CSMD1: variants seen among roughly 807,000 people sequenced by gnomAD.
CSMD1 encodes CUB and sushi domain-containing protein 1.
CSMD1 carries 213 observed loss-of-function variants against 417.5 expected under a neutral mutation model. The observed-to-expected ratio is 0.51, with a 90% confidence interval of 0.46 to 0.57. The LOEUF (loss-of-function observed/expected upper bound fraction) is 0.57, where lower values mean the gene tolerates loss of function less well. Ranked by LOEUF, CSMD1 falls within the 20% of genes least tolerant of loss-of-function variation. The pLI, the probability that CSMD1 is intolerant of heterozygous loss-of-function variation, is 0.00. For synonymous variants in CSMD1, 2,862 were observed against 1,736.8 expected (o/e 1.65, Z -16.11); for missense variants, 6,923 against 4,529.7 (o/e 1.53, Z -15.17).
chr8:4,864,137 T>G (rs901941617), intron 1 of CSMD1, among the ~76,000 whole-genome samples: 5 of 151,974 alleles, frequency 3.3e-5, no homozygotes, highest in African/African-American at 1.2e-4. Flanking sequence ...GTATTTTTTA[T>G]TAAATTGATC....
chr8:3,984,346 C>T (rs1026475313), intron 5 of CSMD1, among the ~76,000 whole-genome samples: 3 of 152,150 alleles, frequency 2.0e-5, no homozygotes, highest in Admixed American at 1.3e-4. Flanking sequence ...AAAGAAAATG[C>T]TGACGACAGA....
chr8:4,381,400 C>A (rs946036591), intron 3 of CSMD1, among the ~76,000 whole-genome samples: 24 of 152,078 alleles, frequency 1.6e-4, no homozygotes, highest in Admixed American at 1.6e-3. Context: ...GGGTGGAAAA[C>A]CCATGAATAT....
chr8:3,072,102 G>T (rs11986125), intron 49 of CSMD1, among the ~76,000 whole-genome samples: 5 of 152,152 alleles, frequency 3.3e-5, no homozygotes, highest in African/African-American at 1.2e-4. Context: ...CCTCAGAAAG[G>T]TTCAAGAGTA....
intron 1 of CSMD1, among the ~76,000 whole-genome samples, chr8:4,876,496 C>T (rs769067682): frequency 2.0e-5 from 3 of 152,148 alleles, no homozygotes; most frequent in African/African-American, 4.8e-5. Flanking sequence ...AATTAGATTG[C>T]TTTTAACAAG....
chr8:3,818,950 G>T (rs1801556353), intron 5 of CSMD1, among the ~76,000 whole-genome samples: 1 of 152,110 alleles, frequency 6.6e-6, no homozygotes, highest in Non-Finnish European at 1.5e-5. Context: ...TTCTTCTAAG[G>T]GGTTTGGTAG....
At chr8:3,943,177 A>T (rs145614448) in intron 5 of CSMD1, among the ~76,000 whole-genome samples, 88 of 152,246 alleles carry the variant, frequency 5.8e-4, no homozygotes, top group Non-Finnish European at 9.3e-4. Flanking sequence ...AAATGACTCA[A>T]TTGAGGATGT....
chr8:3,377,844 T>C (rs1471819864), intron 18 of CSMD1, among the ~76,000 whole-genome samples: 2 of 152,218 alleles, frequency 1.3e-5, no homozygotes, highest in Non-Finnish European at 2.9e-5. Flanking sequence ...GTATTGAGTA[T>C]GTAAAATGTA....
intron 1 of CSMD1, among the ~76,000 whole-genome samples, chr8:4,962,580 A>T (rs1487710465): frequency 6.6e-6 from 1 of 152,256 alleles, no homozygotes; most frequent in Non-Finnish European, 1.5e-5. Flanking sequence ...ATTTTGGCAT[A>T]ATCAGATGGG....
intron 1 of CSMD1, among the ~76,000 whole-genome samples, chr8:4,739,052 T>C (rs1457187): frequency 0.058 from 8,836 of 152,260 alleles, 331 homozygotes; most frequent in East Asian, 0.21. Flanking sequence ...GTAACTGATA[T>C]ATTCTTTTTA....
chr8:4,899,482 G>T (rs780374343), intron 1 of CSMD1, among the ~76,000 whole-genome samples: 3 of 152,126 alleles, frequency 2.0e-5, no homozygotes, highest in Non-Finnish European at 4.4e-5. Context: ...TTAAAGAGAA[G>T]AAATCCCAAT....
At chr8:4,354,565 G>A (rs1364144667) in intron 3 of CSMD1, among the ~76,000 whole-genome samples, 1 of 152,098 alleles carries the variant, frequency 6.6e-6, no homozygotes, top group Non-Finnish European at 1.5e-5. Context: ...ACTAAACATA[G>A]ATGGCAGACT....
At chr8:3,294,290 AGTCT>A (rs1243985055) in intron 25 of CSMD1, among the ~76,000 whole-genome samples, 4 of 152,178 alleles carry the variant, frequency 2.6e-5, no homozygotes, top group African/African-American at 7.2e-5. Flanking sequence ...TTGAGGAGGC[AGTCT>A]GTCTGTTCTG....
chr8:4,306,273 C>A (rs1338865770), intron 3 of CSMD1, among the ~76,000 whole-genome samples: 2 of 152,174 alleles, frequency 1.3e-5, no homozygotes, highest in Non-Finnish European at 2.9e-5. Context: ...TGTAGAATGG[C>A]CCTTCCTGAA....
At chr8:4,730,382 T>A (rs1295733623) in intron 1 of CSMD1, among the ~76,000 whole-genome samples, 3 of 152,130 alleles carry the variant, frequency 2.0e-5, no homozygotes, top group Non-Finnish European at 4.4e-5. Context: ...AAACTAAATT[T>A]GTAAATATGG....
intron 5 of CSMD1, among the ~76,000 whole-genome samples, chr8:3,950,663 T>A (rs1285943679): frequency 6.6e-6 from 1 of 152,246 alleles, no homozygotes; most frequent in African/African-American, 2.4e-5. Flanking sequence ...AAAAAGTTAA[T>A]GTTTCTCCTG....
At chr8:4,841,370 C>T (rs1490561938) in intron 1 of CSMD1, among the ~76,000 whole-genome samples, 3 of 152,182 alleles carry the variant, frequency 2.0e-5, no homozygotes, top group African/African-American at 7.2e-5. Flanking sequence ...AACCACTGAG[C>T]TTCTTGAAGG....
intron 54 of CSMD1, among the ~76,000 whole-genome samples, chr8:2,997,122 G>T (rs1173279038): frequency 6.6e-6 from 1 of 152,198 alleles, no homozygotes; most frequent in Non-Finnish European, 1.5e-5. Context: ...AGTGAACTGG[G>T]TTTCATCAGT....
At chr8:3,243,132 A>G (rs1164473708) in intron 26 of CSMD1, among the ~76,000 whole-genome samples, 1 of 152,138 alleles carries the variant, frequency 6.6e-6, no homozygotes, top group Non-Finnish European at 1.5e-5. Context: ...TGGTTGAGGG[A>G]TAGTGAGGGA....
At chr8:4,059,866 A>G (rs1038488976) in intron 3 of CSMD1, among the ~76,000 whole-genome samples, 9 of 150,204 alleles carry the variant, frequency 6.0e-5, no homozygotes, top group East Asian at 5.9e-4. Context: ...CCAGAGGTAC[A>G]AGGAGGAACT....
Sources: allele counts gnomAD v4.1 joint callset (sites outside exome capture counted in the v4.1 genomes callset), GRCh38; gene constraint gnomAD v4.1.1; transcripts MANE v1.5; gene names NCBI Gene and HGNC (gene_info 2026-07-23, HGNC 2026-07-21).